AGBL5: variants seen among roughly 807,000 people sequenced by gnomAD.
AGBL5 encodes AGBL carboxypeptidase 5.
AGBL5 carries 51 observed loss-of-function variants against 88.0 expected under a neutral mutation model. The ratio of observed to expected loss-of-function variants is 0.58; its 90% confidence interval spans 0.46 to 0.73. The LOEUF (loss-of-function observed/expected upper bound fraction) is 0.73, where lower values mean the gene tolerates loss of function less well. Among genes scored for constraint, AGBL5 ranks in the 30% least tolerant of loss-of-function variants. The pLI is 0.00. For synonymous variants in AGBL5, 446 were observed against 438.8 expected (o/e 1.02, Z -0.21); for missense variants, 1,031 against 1,162.2 (o/e 0.89, Z 1.64).
At chr2:27,069,860 C>T in intron 14 of AGBL5, 154 bp downstream of exon 14, 1 of 984,598 alleles carries the variant, frequency 1.0e-6, no homozygotes, top group Non-Finnish European at 1.2e-6. Flanking sequence ...ATTTTTTTTT[C>T]CCCCACCATG....
Position 27,052,985 on chromosome 2 carries a change from G to C in AGBL5, c.27G>C (p.Leu9=), listed in dbSNP as rs757615162. Residue 9 remains leucine, a synonymous_variant, in exon 2 of 15, where the codon CTG becomes CTC. Transcript: ENST00000360131. MELRCGGL[L]FSSRFDSGNL... ...TGGAGCTGCGCTGTGGGGGATTGCT[G>C]TTCAGTTCTCGCTTTGATTCAGGGA... The C allele has an allele frequency of 6.2e-7, 1 of 1,611,540 alleles. No individual in the cohort carries two copies. The highest frequency in any genetic ancestry group is 1.3e-5 in the African/African-American group (1 of 74,892).
At chr2:27,062,950 G>A (rs1668787128) in intron 11 of AGBL5, 1 of 152,208 alleles carries the variant, frequency 6.6e-6, no homozygotes, top group Non-Finnish European at 1.5e-5. Context: ...CTGAGACAAT[G>A]GCAACAACTG....
In AGBL5 at chr2:27,069,476, A is replaced by G. The variant is rs1195637501; in HGVS notation, c.2356-97A>G. The G allele has an allele frequency of 1.0e-5, 16 of 1,547,612 alleles. No homozygotes were observed. In the Admixed American group the frequency reaches 1.6e-4, roughly 15 times the overall value. ...TCCCAGTACCTCTACTGATCCCTAT[A>G]CTACAACACTCTTATGCATGGAAAC... On this transcript the variant is annotated intron_variant, in intron 13 of 14. Coordinates refer to ENST00000360131, the MANE Select transcript of AGBL5 (RefSeq NM_021831.6).
At chr2:27,060,485 C>A (rs1668661040) in intron 11 of AGBL5, among the ~76,000 whole-genome samples, 1 of 152,216 alleles carries the variant, frequency 6.6e-6, no homozygotes, top group Non-Finnish European at 1.5e-5. Context: ...ACTGTACTGG[C>A]CTCTGCACTA....
intron 11 of AGBL5, among the ~76,000 whole-genome samples, chr2:27,066,039 G>T (rs1198351218): frequency 7.2e-5 from 11 of 152,116 alleles, no homozygotes; most frequent in African/African-American, 2.4e-4. Context: ...CAGGAGGATC[G>T]CTTGAGCCCA....
At chr2:27,051,839 G>A (rs1307122287) in intron 1 of AGBL5, 46 bp downstream of exon 1, 1 of 69,128 alleles carries the variant, frequency 1.4e-5, no homozygotes, top group Non-Finnish European at 3.0e-5. Context: ...CCCCGGCCCC[G>A]CCAGCCCCGG....
At chr2:27,067,748 C>T in intron 12 of AGBL5, 102 bp downstream of exon 12, 1 of 1,289,252 alleles carries the variant, frequency 7.8e-7, no homozygotes, top group Non-Finnish European at 1.1e-6. Flanking sequence ...CACTTATCCT[C>T]TTGGTATCCT....
chr2:27,050,854 G>T (rs745714194), upstream of AGBL5, among the ~76,000 whole-genome samples: 1 of 152,216 alleles, frequency 6.6e-6, no homozygotes, highest in African/African-American at 2.4e-5. Context: ...TCGCTGGTTC[G>T]ATTCCGGCTC....
intron 13 of AGBL5, 128 bp from the exon 14 acceptor site, chr2:27,069,445 T>A: frequency 6.6e-7 from 1 of 1,515,918 alleles, no homozygotes; most frequent in African/African-American, 1.4e-5. Flanking sequence ...CAGCTAGAAT[T>A]CAATGTCCCA....
chr2:27,058,593 A>G lies in AGBL5; in HGVS notation c.1865A>G (p.Lys622Arg), dbSNP rs746792188. Residue 622 changes from lysine to arginine, a missense_variant, in exon 10 of 15, where the codon AAA (lysine) becomes AGA (arginine). Around this residue, in one of 2 missense-constraint regions of AGBL5, gnomAD observed 491 missense variants for 484.0 expected, o/e 1.01. Transcript: ENST00000360131. ...NKKRGLRTPP[K>R]SHNGLPVSCS... ...AAGAGGGGCCTTCGAACTCCACCCAAAAGTCACAAGTAAGGCCAGCAAAAT... is the reference window on the plus strand; with the variant it reads ...AAGAGGGGCCTTCGAACTCCACCCAGAAGTCACAAGTAAGGCCAGCAAAAT... 1 of 1,614,052 alleles carries G rather than the reference A, an allele frequency of 6.2e-7. No individual in the cohort carries two copies. Among genetic ancestry groups the G allele is most frequent in the South Asian group, 1.1e-5 (1 of 91,074 alleles).
chr2:27,056,647 C>T lies in AGBL5; in HGVS notation c.1390C>T (p.Leu464Phe). The stretch of plus-strand genomic sequence containing the variant: ...GGTGGAAAACATGCTATATCCAAAG[C>T]TCATCTCCTTGAATTCAGCCCACTT... ...TQVENMLYPK[L>F]ISLNSAHFDF... is the part of the protein sequence containing the mutation. The change falls in exon 8 of 15, where the codon CTC (leucine) becomes TTC (phenylalanine). Residue 464 changes from leucine (L) to phenylalanine (F), a missense_variant. Leu to Phe is a conservative substitution (Grantham distance 22, BLOSUM62 0). Transcript: ENST00000360131. 4 of 1,612,018 alleles carry T rather than the reference C, an allele frequency of 2.5e-6. No individual in the cohort carries two copies. The South Asian group carries it at 3.3e-5, about 13-fold the overall frequency.
At chr2:27,061,457 G>A (rs924811873) in intron 11 of AGBL5, among the ~76,000 whole-genome samples, 1 of 152,162 alleles carries the variant, frequency 6.6e-6, no homozygotes, top group Non-Finnish European at 1.5e-5. Context: ...GGCTGGTCTT[G>A]AACTCCTGAC....
intron 11 of AGBL5, 71 bp downstream of exon 11, chr2:27,059,475 T>C: frequency 6.2e-7 from 1 of 1,602,074 alleles, no homozygotes; most frequent in Admixed American, 1.7e-5. Flanking sequence ...AGTAAGAGCT[T>C]GAAGATATAC....
intron 13 of AGBL5, chr2:27,069,148 A>C (rs1197513155): frequency 7.5e-6 from 10 of 1,339,032 alleles, no homozygotes; most frequent in Non-Finnish European, 9.8e-6. Flanking sequence ...ACTCCGATTC[A>C]GTCCAGATCC....
At chr2:27,057,556 AC>A in intron 9 of AGBL5, 118 bp downstream of exon 9, 1 of 1,209,320 alleles carries the variant, frequency 8.3e-7, no homozygotes, top group Non-Finnish European at 1.1e-6. Flanking sequence ...TGGCCGTCTC[AC>A]CACTATGATT....
At chr2:27,050,970 A>C (rs1282465632), upstream of AGBL5, 5 of 152,278 alleles carry the variant, frequency 3.3e-5, no homozygotes, top group Non-Finnish European at 7.3e-5. Context: ...CCGTCAGTCC[A>C]TAGGGAACAC....
At chr2:27,068,939 T>G in intron 13 of AGBL5, 195 bp downstream of exon 13, 4 of 1,496,850 alleles carry the variant, frequency 2.7e-6, no homozygotes, top group Non-Finnish European at 3.6e-6. Context: ...ATCAGCCAGG[T>G]CATTTGCTTG....
At chr2:27,067,693 TG>T in intron 12 of AGBL5, 47 bp downstream of exon 12, 2 of 1,611,332 alleles carry the variant, frequency 1.2e-6, no homozygotes, top group Non-Finnish European at 1.7e-6. Context: ...GCCTCCTCCA[TG>T]GCCAGGCCAG....
intron 6 of AGBL5, 131 bp downstream of exon 6, chr2:27,055,384 T>C: frequency 7.9e-7 from 1 of 1,261,806 alleles, no homozygotes; most frequent in Non-Finnish European, 1.1e-6. Context: ...CAAGCCCATC[T>C]CATCTTCCTG....
Sources: allele counts gnomAD v4.1 joint callset (sites outside exome capture counted in the v4.1 genomes callset), GRCh38; gene constraint gnomAD v4.1.1; regional missense constraint gnomAD v4.1.1; transcripts MANE v1.5; gene names NCBI Gene and HGNC (gene_info 2026-07-23, HGNC 2026-07-21).